Variants in SLC12A2 observed in about 807,000 individuals in gnomAD.
SLC12A2 encodes the protein Na-K-2Cl cotransporter 1.
SLC12A2 carries 67 observed loss-of-function variants against 136.3 expected under a neutral mutation model. The observed-to-expected ratio is 0.49, with a 90% CI of 0.40 to 0.60. The LOEUF (loss-of-function observed/expected upper bound fraction) is 0.60, where lower values mean the gene tolerates loss of function less well. Ranked by LOEUF, SLC12A2 falls within the 20% of genes least tolerant of loss-of-function variation. The pLI, the probability that SLC12A2 is intolerant of heterozygous loss-of-function variation, is 0.00. For missense variants in SLC12A2, 1,322 were observed against 1,534.7 expected (o/e 0.86, Z 2.32); for synonymous variants, 619 against 562.9 (o/e 1.10, Z -1.41).
intron 23 of SLC12A2, among the ~76,000 whole-genome samples, chr5:128,181,377 C>T (rs1763702730): frequency 6.6e-6 from 1 of 152,100 alleles, no homozygotes; most frequent in Non-Finnish European, 1.5e-5. Flanking sequence ...TGTCATCCAT[C>T]CAATTCTTTC....
chr5:128,170,886 A>T (rs1046817190), intron 18 of SLC12A2: 33 of 152,214 alleles, frequency 2.2e-4, no homozygotes, highest in African/African-American at 8.0e-4. Flanking sequence ...TCACGAGGTC[A>T]GGAGTTCAAG....
intron 1 of SLC12A2, among the ~76,000 whole-genome samples, chr5:128,104,857 CTG>C (rs1367720185): frequency 6.6e-6 from 1 of 151,982 alleles, no homozygotes; most frequent in Non-Finnish European, 1.5e-5. Flanking sequence ...AAAATCTCCT[CTG>C]GAGCTATACA....
intron 1 of SLC12A2, among the ~76,000 whole-genome samples, chr5:128,108,272 A>G (rs1448920702): frequency 6.6e-6 from 1 of 152,202 alleles, no homozygotes; most frequent in African/African-American, 2.4e-5. Context: ...CACTTCAAGA[A>G]TTATATTATG....
intron 10 of SLC12A2, among the ~76,000 whole-genome samples, chr5:128,147,183 T>C (rs1762556008): frequency 6.6e-6 from 1 of 151,216 alleles, no homozygotes. Context: ...TTTTTTGTGG[T>C]ACTGTTAAGC....
At position 128,138,738 on chromosome 5, in the gene SLC12A2, A is replaced by C. The variant is rs1561681671; in HGVS notation, c.1536+14A>C. On this transcript the variant is annotated intron_variant, in intron 8 of 26. Coordinates refer to ENST00000262461, the MANE Select transcript of SLC12A2 (RefSeq NM_001046.3). Reference sequence around the variant, plus strand: ...GGTGATCTTGCAGTAAGTATTATAAAGTGCTATATCAATTATATATTTTAA... The same window carrying C: ...GGTGATCTTGCAGTAAGTATTATAACGTGCTATATCAATTATATATTTTAA... 13 of 1,607,312 alleles carry C rather than the reference A, an allele frequency of 8.1e-6. No homozygotes were observed. The highest frequency in any genetic ancestry group is 1.1e-5 in the Non-Finnish European group (13 of 1,176,992).
intron 10 of SLC12A2, among the ~76,000 whole-genome samples, chr5:128,144,824 T>C (rs2126715964): frequency 6.6e-6 from 1 of 152,252 alleles, no homozygotes; most frequent in African/African-American, 2.4e-5. Flanking sequence ...GAAGATTTTC[T>C]TGAATCCCAA....
intron 4 of SLC12A2, among the ~76,000 whole-genome samples, chr5:128,116,188 TC>T (rs1761343256): frequency 1.3e-5 from 2 of 152,084 alleles, no homozygotes; most frequent in African/African-American, 4.8e-5. Context: ...TTTCTCCTTT[TC>T]CTCAGACCTT....
chr5:128,109,433 C>T lies in SLC12A2; in HGVS notation c.757-3381C>T, dbSNP rs561901557. 9.4e-5 allele frequency: 37 copies of T among 392,158 alleles called. 1 individual carries two copies. The highest frequency in any genetic ancestry group is 7.0e-4 in the Middle Eastern group (1 of 1,432). The allele number at this position is 392,158 out of a possible 1,614,324, so 24.3% of individuals were successfully genotyped here. On this transcript the variant is annotated intron_variant, in intron 1 of 26. Coordinates refer to ENST00000262461, the MANE Select transcript of SLC12A2 (RefSeq NM_001046.3). Reference sequence around the variant, plus strand: ...CCGAAGCCTCGGCTGCTTCTGTCCACGTCTTACACTTCTTCATTTATCCAT... The same window carrying T: ...CCGAAGCCTCGGCTGCTTCTGTCCATGTCTTACACTTCTTCATTTATCCAT...
chr5:128,110,873 A>G, intron 1 of SLC12A2: 1 of 1,328,038 alleles, frequency 7.5e-7, no homozygotes, highest in Non-Finnish European at 1.1e-6. Context: ...CTTTTCCAGG[A>G]ATATGCCAAT....
chr5:128,140,355 A>T (rs1000076609), intron 9 of SLC12A2, among the ~76,000 whole-genome samples: 16 of 152,086 alleles, frequency 1.1e-4, no homozygotes, highest in African/African-American at 3.9e-4. Context: ...TTCACACACA[A>T]ATCTCTGAAA....
In SLC12A2 at chr5:128,084,814, G is replaced by A; in HGVS notation, c.756+104G>A. The A allele has an allele frequency of 8.0e-7, 1 of 1,250,474 alleles. No individual in the cohort carries two copies. The highest frequency in any genetic ancestry group is 1.1e-6 in the Non-Finnish European group (1 of 926,288). 77.5% of individuals were successfully genotyped at this position (1,250,474 alleles called of 1,614,324 possible). A position where few individuals can be genotyped will look rare whatever the true frequency, so the allele number is the denominator to read the frequency against. On this transcript the variant is annotated intron_variant, in intron 1 of 26. Coordinates refer to ENST00000262461, the MANE Select transcript of SLC12A2 (RefSeq NM_001046.3). The surrounding 1 kb of genome is among the most constrained non-coding windows in gnomAD (Gnocchi z 5.6). ...AGTTGAGGTGGCGGGAGTAGTAGACGTGCACGACTTGCTGGCATCTCTGGA... is the reference window on the plus strand; with the variant it reads ...AGTTGAGGTGGCGGGAGTAGTAGACATGCACGACTTGCTGGCATCTCTGGA...
chr5:128,152,142 G>A (rs1762722699), intron 14 of SLC12A2, among the ~76,000 whole-genome samples: 1 of 152,120 alleles, frequency 6.6e-6, no homozygotes, highest in African/African-American at 2.4e-5. Flanking sequence ...AACACATTTT[G>A]TAATCCAGAT....
chr5:128,104,648 AAT>A (rs1554103101), intron 1 of SLC12A2, among the ~76,000 whole-genome samples: 10 of 141,544 alleles, frequency 7.1e-5, no homozygotes, highest in Middle Eastern at 3.5e-3. Flanking sequence ...AAGAAAAAAA[AAT>A]ATATATATAT....
intron 17 of SLC12A2, among the ~76,000 whole-genome samples, chr5:128,162,230 CA>C (rs1176086192): frequency 6.6e-6 from 1 of 151,812 alleles, no homozygotes; most frequent in African/African-American, 2.4e-5. Flanking sequence ...AAAGCCCTGT[CA>C]AAAAACTGTA....
chr5:128,146,989 G>A (rs1762549003), intron 10 of SLC12A2, among the ~76,000 whole-genome samples: 1 of 149,656 alleles, frequency 6.7e-6, no homozygotes, highest in South Asian at 2.1e-4. Flanking sequence ...CTCCATGGGA[G>A]AAATGATAGA....
At chr5:128,151,792 C>G (rs949954765) in intron 14 of SLC12A2, among the ~76,000 whole-genome samples, 4 of 152,064 alleles carry the variant, frequency 2.6e-5, no homozygotes, top group African/African-American at 9.7e-5. Flanking sequence ...TACATATAAC[C>G]TACTGTGGTC....
intron 10 of SLC12A2, among the ~76,000 whole-genome samples, chr5:128,144,667 G>A (rs1263761792): frequency 6.6e-6 from 1 of 152,038 alleles, no homozygotes; most frequent in Non-Finnish European, 1.5e-5. Context: ...TGTTCCGAGT[G>A]GACTCCAGGC....
At chr5:128,156,039 T>C (rs1299863549) in intron 15 of SLC12A2, among the ~76,000 whole-genome samples, 1 of 152,098 alleles carries the variant, frequency 6.6e-6, no homozygotes, top group African/African-American at 2.4e-5. Flanking sequence ...AAGCCCCAGC[T>C]TAGTAGGGTT....
At chr5:128,109,372 GC>G in intron 1 of SLC12A2, 1 of 313,792 alleles carries the variant, frequency 3.2e-6, no homozygotes, top group Non-Finnish European at 6.2e-6. Flanking sequence ...CAGGCAGCAC[GC>G]TTTGGAGTCG....
Sources: gnomAD v4.1 joint callset for allele counts (sites outside exome capture counted in the v4.1 genomes callset) on GRCh38, gnomAD v4.1.1 for gene constraint, Gnocchi (gnomAD v3.1) non-coding constraint, MANE v1.5 for transcripts, NCBI Gene and HGNC (gene_info 2026-07-23, HGNC 2026-07-21) for gene names.